RHBDL3: variants seen among roughly 807,000 people sequenced by gnomAD.
The protein encoded by RHBDL3 is rhomboid-related protein 3.
A neutral mutation model predicts 48.2 loss-of-function variants in RHBDL3; 28 were observed. The ratio of observed to expected loss-of-function variants is 0.58; its 90% CI spans 0.43 to 0.80. The LOEUF is 0.80. Among genes scored for constraint, RHBDL3 ranks in the 30% least tolerant of loss-of-function variants. The pLI, the probability that RHBDL3 is intolerant of heterozygous loss-of-function variation, is 0.00. For missense variants in RHBDL3, 464 were observed against 542.7 expected, an observed-to-expected ratio of 0.85 and a Z score of 1.44; for synonymous variants, 208 against 232.3, an observed-to-expected ratio of 0.90 and a Z score of 0.95.
At chr17:32,272,477 C>G (rs2039794843) in intron 2 of RHBDL3, among the ~76,000 whole-genome samples, 1 of 152,118 alleles carries the variant, frequency 6.6e-6, no homozygotes. Flanking sequence ...GTTGGCCACC[C>G]CCAGAACTCA....
chr17:32,302,425 C>T (rs930344054), intron 6 of RHBDL3, among the ~76,000 whole-genome samples: 11 of 151,938 alleles, frequency 7.2e-5, no homozygotes, highest in East Asian at 1.9e-4. Context: ...GGCACGATCT[C>T]GGCTCACTGC....
chr17:32,275,364 C>T (rs920873937), intron 2 of RHBDL3, among the ~76,000 whole-genome samples: 1 of 152,196 alleles, frequency 6.6e-6, no homozygotes, highest in Non-Finnish European at 1.5e-5. Context: ...CTGCCAAAGG[C>T]AGGGGCCATT....
chr17:32,289,680 CTGCGTTGGTGCCCA>C (rs766465853), intron 4 of RHBDL3, among the ~76,000 whole-genome samples: 2 of 152,228 alleles, frequency 1.3e-5, no homozygotes, highest in Non-Finnish European at 2.9e-5. Context: ...GTACCCCTTG[CTGCGTTGGTGCCCA>C]TGTGTGATAA....
chr17:32,282,768 G>A (rs1300045101), intron 2 of RHBDL3, among the ~76,000 whole-genome samples: 2 of 152,100 alleles, frequency 1.3e-5, no homozygotes, highest in African/African-American at 4.8e-5. Flanking sequence ...GACTACAGGC[G>A]CCTGCAACCA....
rs576496454 is a variant in RHBDL3 at position 32,320,350 on chromosome 17, A to T, written c.944-608A>T. Among the ~76,000 whole-genome samples the T allele has an allele frequency of 1.7e-3, 259 of 152,238 alleles. 3 individuals carry two copies. Among genetic ancestry groups the T allele is most frequent in the African/African-American group, 5.7e-3 (235 of 41,558 alleles). ...TTTTCTTTTTTTGTTTGTTTTTGAG[A>T]CAGTCTTGCTCTGTCGCCCCAGCTG... On this transcript the variant is annotated intron_variant, in intron 8 of 8. Coordinates refer to ENST00000269051, the MANE Select transcript of RHBDL3 (RefSeq NM_138328.3).
At chr17:32,293,587 A>C (rs1188150721) in intron 4 of RHBDL3, among the ~76,000 whole-genome samples, 1 of 151,920 alleles carries the variant, frequency 6.6e-6, no homozygotes, top group East Asian at 1.9e-4. Context: ...CTCAAAAAAA[A>C]AAAAACCCAA....
intron 4 of RHBDL3, among the ~76,000 whole-genome samples, chr17:32,291,774 T>C (rs946170255): frequency 7.1e-6 from 1 of 141,246 alleles, no homozygotes; most frequent in Non-Finnish European, 1.5e-5. Context: ...GATATTCCTT[T>C]TTTTTTTTTT....
chr17:32,278,836 C>A (rs759238543), intron 2 of RHBDL3, among the ~76,000 whole-genome samples: 11 of 152,144 alleles, frequency 7.2e-5, no homozygotes, highest in Non-Finnish European at 1.2e-4. Flanking sequence ...TACTGTAAAT[C>A]ACACTCAAGG....
intron 6 of RHBDL3, among the ~76,000 whole-genome samples, chr17:32,303,726 G>C (rs2040641355): frequency 6.6e-6 from 1 of 152,024 alleles, no homozygotes; most frequent in Non-Finnish European, 1.5e-5. Flanking sequence ...TCTTGAAGGA[G>C]CTCAGTGAGT....
intron 6 of RHBDL3, among the ~76,000 whole-genome samples, chr17:32,299,046 G>GTT (rs71362825): frequency 0.081 from 11,384 of 141,170 alleles, 1,362 homozygotes; most frequent in African/African-American, 0.26. Context: ...ATTGCCGGCT[G>GTT]TTTTTTTTTT....
At chr17:32,277,617 A>G (rs1293659285) in intron 2 of RHBDL3, among the ~76,000 whole-genome samples, 2 of 152,202 alleles carry the variant, frequency 1.3e-5, no homozygotes, top group Non-Finnish European at 2.9e-5. Context: ...ACAGACTTCT[A>G]GCATTGCTGG....
chr17:32,310,740 C>A (rs984607621), intron 7 of RHBDL3, among the ~76,000 whole-genome samples: 15 of 150,862 alleles, frequency 9.9e-5, no homozygotes, highest in African/African-American at 2.9e-4. Context: ...AAAAATTAGC[C>A]AGGCGTGGTG....
rs77540187 is a variant in RHBDL3 at position 32,304,517 on chromosome 17, T to C, written c.782-824T>C. On this transcript the variant is annotated intron_variant, in intron 6 of 8. Coordinates refer to ENST00000269051, the MANE Select transcript of RHBDL3 (RefSeq NM_138328.3). ...TCCTACCAGGAGACTCTGGGCTTAGTCTCCTCATCTCAGGAATGAGGCTAC... is the reference window on the plus strand; with the variant it reads ...TCCTACCAGGAGACTCTGGGCTTAGCCTCCTCATCTCAGGAATGAGGCTAC... Among the ~76,000 whole-genome samples the C allele has an allele frequency of 2.0e-5, 3 of 152,330 alleles. No individual in the cohort carries two copies. In the East Asian group the frequency reaches 5.8e-4, roughly 29 times the overall value.
chr17:32,316,381 ATGGTC>A, intron 8 of RHBDL3, 89 bp downstream of exon 8: 1 of 972,822 alleles, frequency 1.0e-6, no homozygotes, highest in Non-Finnish European at 1.6e-6. Flanking sequence ...TCACGGGCTT[ATGGTC>A]AAGAAAAAAA....
At chr17:32,267,361 A>G (rs2039659239) in intron 1 of RHBDL3, among the ~76,000 whole-genome samples, 1 of 144,696 alleles carries the variant, frequency 6.9e-6, no homozygotes, top group Non-Finnish European at 1.5e-5. Flanking sequence ...CCGCAAAAAA[A>G]CAAAAAACGA....
Position 32,305,446 on chromosome 17 carries a change from G to A in RHBDL3, c.882+5G>A. The A allele has an allele frequency of 1.9e-6, 3 of 1,582,198 alleles. No homozygotes were observed. Among genetic ancestry groups the A allele is most frequent in the Non-Finnish European group, 2.6e-6 (3 of 1,151,016 alleles). On this transcript the variant is annotated splice_donor_5th_base_variant and intron_variant, in intron 7 of 8. Transcript: ENST00000269051. ...CATCTGGCCAACATTGTCATGGTGA[G>A]CACCTCCCGTTCTCAATGTGTCTTT...
At chr17:32,313,743 TTCCC>T (rs1393382230) in intron 7 of RHBDL3, among the ~76,000 whole-genome samples, 4 of 144,680 alleles carry the variant, frequency 2.8e-5, no homozygotes, top group Non-Finnish European at 4.6e-5. Flanking sequence ...TGGGTCAGAA[TTCCC>T]TCCCTTTTTT....
intron 7 of RHBDL3, among the ~76,000 whole-genome samples, chr17:32,315,196 G>A (rs917441992): frequency 3.9e-5 from 6 of 152,214 alleles, no homozygotes; most frequent in Non-Finnish European, 8.8e-5. Context: ...ACGTGCCCCC[G>A]AGCTGGGCCT....
intron 2 of RHBDL3, among the ~76,000 whole-genome samples, chr17:32,275,937 T>C (rs1351921319): frequency 6.6e-6 from 1 of 152,070 alleles, no homozygotes; most frequent in Non-Finnish European, 1.5e-5. Context: ...CCATCTGGTC[T>C]CTCTCCTTCC....
Sources: gnomAD v4.1 joint callset for allele counts (sites outside exome capture counted in the v4.1 genomes callset) on GRCh38, gnomAD v4.1.1 for gene constraint, MANE v1.5 for transcripts, NCBI Gene and HGNC (gene_info 2026-07-23, HGNC 2026-07-21) for gene names.